TTC39B: variants seen among roughly 807,000 people sequenced by gnomAD.
The protein encoded by TTC39B is tetratricopeptide repeat domain 39B, also known as tetratricopeptide repeat protein 39B.
Under a neutral mutation model 96.6 loss-of-function variants are expected in TTC39B, and 92 were observed. The ratio of observed to expected loss-of-function variants is 0.95; its 90% confidence interval spans 0.80 to 1.13. TTC39B has a LOEUF of 1.13. Ranked by LOEUF, TTC39B falls within the 50% of genes most tolerant of loss-of-function variation. The pLI is 0.00. For synonymous variants in TTC39B, 367 were observed against 299.4 expected, an observed-to-expected ratio of 1.23 and a Z score of -2.33; for missense variants, 955 against 809.3, an observed-to-expected ratio of 1.18 and a Z score of -2.18.
chr9:15,210,523 T>C (rs141981610), intron 5 of TTC39B, among the ~76,000 whole-genome samples: 86 of 152,356 alleles, frequency 5.6e-4, no homozygotes, highest in African/African-American at 2.0e-3. Context: ...GGAAGCTCTC[T>C]TCATTTGAGG....
intron 2 of TTC39B, among the ~76,000 whole-genome samples, chr9:15,227,825 AG>A (rs1291304987): frequency 6.6e-6 from 1 of 152,212 alleles, no homozygotes; most frequent in Non-Finnish European, 1.5e-5. Flanking sequence ...CTTTAATAAA[AG>A]TCTCCCCAAT....
At chr9:15,301,615 T>A (rs1019541010) in intron 1 of TTC39B, among the ~76,000 whole-genome samples, 3 of 151,686 alleles carry the variant, frequency 2.0e-5, no homozygotes, top group African/African-American at 7.3e-5. Context: ...AATTGGATGG[T>A]CGTGGTGGTG....
At chr9:15,281,458 G>T (rs570868823) in intron 1 of TTC39B, among the ~76,000 whole-genome samples, 2 of 151,790 alleles carry the variant, frequency 1.3e-5, no homozygotes, top group Admixed American at 6.6e-5. Flanking sequence ...TCCCTCTCTT[G>T]GTATCTATCC....
In TTC39B at chr9:15,205,567, C is replaced by T. The variant is rs557307413; in HGVS notation, c.692-1677G>A. Among the ~76,000 whole-genome samples the T allele has an allele frequency of 3.3e-5, 5 of 152,294 alleles. No homozygotes were observed. In the South Asian group the frequency reaches 1.0e-3, roughly 32 times the overall value. On this transcript the variant is annotated intron_variant, in intron 6 of 19. Coordinates refer to ENST00000512701, the Ensembl canonical transcript of TTC39B. ...ACAGACCAAACTTGAGGAGTTAGAG[C>T]CTGCACATCCACAGTCAGGGTCTCA...
intron 2 of TTC39B, among the ~76,000 whole-genome samples, chr9:15,247,924 A>G (rs1050851389): frequency 6.6e-6 from 1 of 152,160 alleles, no homozygotes; most frequent in Non-Finnish European, 1.5e-5. Flanking sequence ...TTCAAGGAGC[A>G]CAGAGTTGCC....
At chr9:15,231,903 A>G (rs936935588) in intron 2 of TTC39B, among the ~76,000 whole-genome samples, 1 of 152,192 alleles carries the variant, frequency 6.6e-6, no homozygotes, top group Non-Finnish European at 1.5e-5. Flanking sequence ...TGTAATCTAG[A>G]GTCGAAATGG....
In TTC39B at chr9:15,191,048, G is replaced by T. The variant is rs1818829089; in HGVS notation, c.996+142C>A. The T allele has an allele frequency of 2.3e-5, 15 of 664,776 alleles. No homozygotes were observed. In the South Asian group the frequency reaches 2.8e-4, roughly 12 times the overall value. 41.2% of individuals were successfully genotyped at this position (664,776 alleles called of 1,614,324 possible). On this transcript the variant is annotated intron_variant, in intron 10 of 19. Coordinates refer to ENST00000512701, the Ensembl canonical transcript of TTC39B. ...TCTAAGTCCTGAAAAACATGATCAA[G>T]AATCAAAGGCTTATTTTCTGTCCTA... is the stretch of plus-strand genomic sequence containing the variant.
chr9:15,179,024 T>C (rs1329729054), intron 17 of TTC39B, among the ~76,000 whole-genome samples: 3 of 152,218 alleles, frequency 2.0e-5, no homozygotes, highest in Non-Finnish European at 2.9e-5. Flanking sequence ...CACAAACTTC[T>C]AACTGCTTGA....
chr9:15,279,032 T>C (rs1188857021), intron 1 of TTC39B, among the ~76,000 whole-genome samples: 1 of 152,252 alleles, frequency 6.6e-6, no homozygotes, highest in Non-Finnish European at 1.5e-5. Context: ...CTTTTCCATC[T>C]GTGCAATGGG....
intron 1 of TTC39B, among the ~76,000 whole-genome samples, chr9:15,285,640 G>A (rs1184889510): frequency 6.6e-6 from 1 of 152,178 alleles, no homozygotes; most frequent in African/African-American, 2.4e-5. Flanking sequence ...GGATCACGAG[G>A]TCAGGAGATG....
intron 1 of TTC39B, 58 bp downstream of exon 1, chr9:15,307,025 CT>C: frequency 6.3e-7 from 1 of 1,581,380 alleles, no homozygotes; most frequent in Non-Finnish European, 8.6e-7. Context: ...TCACTCTTCT[CT>C]CCCGGACTCC....
At chr9:15,244,367 G>A (rs978586384) in intron 2 of TTC39B, among the ~76,000 whole-genome samples, 2 of 152,218 alleles carry the variant, frequency 1.3e-5, no homozygotes, top group African/African-American at 2.4e-5. Context: ...TCCTAGGTAC[G>A]CCAGTCACTG....
intron 16 of TTC39B, 100 bp from the exon 17 acceptor site, chr9:15,182,515 G>T (rs1818301699): frequency 1.4e-6 from 1 of 724,206 alleles, no homozygotes. Flanking sequence ...CGGTTTCTAG[G>T]AACCTCAGGA....
exon 1 of TTC39B, chr9:15,307,190 G>C (rs918144916): frequency 1.3e-6 from 2 of 1,576,206 alleles, no homozygotes; most frequent in East Asian, 2.3e-5. Context: ...TCCTGCTCTC[G>C]GCTCTGGGCT....
In TTC39B at chr9:15,216,568, C is replaced by T. The variant is rs76523112; in HGVS notation, c.372-2319G>A. ...TGACACCTCCTATAACAGTCCATCACGAAATTTTGTCAGTGTTACATTCTG... is the reference window on the plus strand; with the variant it reads ...TGACACCTCCTATAACAGTCCATCATGAAATTTTGTCAGTGTTACATTCTG... On this transcript the variant is annotated intron_variant, in intron 3 of 19. Coordinates refer to ENST00000512701, the Ensembl canonical transcript of TTC39B. 1.4e-4 allele frequency among the ~76,000 whole-genome samples: 21 copies of T among 152,262 alleles called. No homozygotes were observed. In the East Asian group the frequency reaches 2.5e-3, roughly 18 times the overall value.
At chr9:15,289,654 G>T (rs1420756789) in intron 1 of TTC39B, among the ~76,000 whole-genome samples, 6 of 152,196 alleles carry the variant, frequency 3.9e-5, no homozygotes, top group African/African-American at 1.4e-4. Flanking sequence ...TGAAATTCAG[G>T]TATGCCGGGA....
intron 1 of TTC39B, among the ~76,000 whole-genome samples, chr9:15,296,593 C>G (rs908334479): frequency 3.9e-5 from 6 of 152,174 alleles, no homozygotes; most frequent in African/African-American, 1.4e-4. Flanking sequence ...CTCCCAGGTT[C>G]AAGCAATTCT....
intron 2 of TTC39B, among the ~76,000 whole-genome samples, chr9:15,254,862 A>AC (rs1822694541): frequency 8.5e-6 from 1 of 118,210 alleles, no homozygotes; most frequent in African/African-American, 4.2e-5. Flanking sequence ...CACACACACA[A>AC]ACACACACAC....
At position 15,307,083 on chromosome 9, in the gene TTC39B, C is replaced by A. The variant is rs146087625; in HGVS notation, c.240+1G>T. 6.2e-7 allele frequency: 1 copy of A among 1,609,596 alleles called. No individual in the cohort carries two copies. Among genetic ancestry groups the A allele is most frequent in the African/African-American group, 1.3e-5 (1 of 74,962 alleles). ...GGCCCGCAATCCCCATCGGATCGTA[C>A]CTCGTCCGCTTCCAGCTCCGCTCGG... On this transcript the variant is annotated splice_donor_variant, in intron 1 of 19. Coordinates refer to ENST00000512701, the Ensembl canonical transcript of TTC39B. LOFTEE classifies it high-confidence loss of function.
Sources: gnomAD v4.1 joint callset for allele counts (sites outside exome capture counted in the v4.1 genomes callset) on GRCh38, gnomAD v4.1.1 for gene constraint, MANE v1.5 for transcripts, NCBI Gene and HGNC (gene_info 2026-07-23, HGNC 2026-07-21) for gene names.